The following GABRP variants were observed in gnomAD, a reference collection of about 807,000 sequenced individuals.
GABRP encodes gamma-aminobutyric acid receptor subunit pi.
Under a neutral mutation model 47.8 loss-of-function variants are expected in GABRP, and 52 were observed. That is an observed-to-expected ratio of 1.09 (90% CI 0.87 to 1.37). The LOEUF is 1.37. Among genes scored for constraint, GABRP ranks in the 40% most tolerant of loss-of-function variants. The probability of loss-of-function intolerance (pLI) is 0.00; values close to 1 mark genes in which losing one functional copy is unlikely to be tolerated. For synonymous variants in GABRP, 221 were observed against 205.8 expected (o/e 1.07, Z -0.63); for missense variants, 525 against 542.8 (o/e 0.97, Z 0.33).
In GABRP at chr5:170,794,274, C is replaced by G. The variant is rs140333913; in HGVS notation, c.216C>G (p.Ile72Met). The G allele has an allele frequency of 1.4e-5, 22 of 1,609,066 alleles. No homozygotes were observed. The South Asian group carries it at 2.1e-4, about 15-fold the overall frequency. The change falls in exon 4 of 10, where the codon ATC becomes ATG. Residue 72 changes from isoleucine to methionine, a missense_variant. Coordinates refer to ENST00000265294, the MANE Select transcript of GABRP (RefSeq NM_014211.3). The stretch of plus-strand genomic sequence containing the variant: ...CGCTGACTCTGGACATTGCAAGTAT[C>G]TCTAGCATTTCAGAGAGTAACATGG... ...QIALTLDIAS[I>M]SSISESNMDY...
At chr5:170,783,313 G>A (rs902346305), upstream of GABRP, among the ~76,000 whole-genome samples, 5 of 152,148 alleles carry the variant, frequency 3.3e-5, no homozygotes, top group African/African-American at 9.7e-5. Flanking sequence ...ACAAGAAATC[G>A]GAGTTTTACA....
At position 170,812,434 on chromosome 5, in the gene GABRP, AG is replaced by A. The variant is rs1354578331; in HGVS notation, c.*177del. On this transcript the variant is annotated 3_prime_UTR_variant, in exon 10 of 10. Transcript: ENST00000265294. The stretch of plus-strand genomic sequence containing the variant: ...CAACCATTGTTCTAAGCTGTGTAGA[AG>A]TCCTAGCATTATAGGATCTTGTAAT... 2 of 599,114 alleles carry A rather than the reference AG, an allele frequency of 3.3e-6. No homozygotes were observed. Among genetic ancestry groups the A allele is most frequent in the Non-Finnish European group, 5.9e-6 (2 of 340,120 alleles). The allele number at this position is 599,114 out of a possible 1,614,324, so 37.1% of individuals were successfully genotyped here. A position where few individuals can be genotyped will look rare whatever the true frequency, so the allele number is the denominator to read the frequency against.
At chr5:170,783,366 A>T (rs1433238987), upstream of GABRP, among the ~76,000 whole-genome samples, 1 of 152,168 alleles carries the variant, frequency 6.6e-6, no homozygotes, top group Non-Finnish European at 1.5e-5. Flanking sequence ...CTGAGGCCTA[A>T]GGAGGTGAAG....
At chr5:170,793,864 G>C (rs865921880) in intron 3 of GABRP, among the ~76,000 whole-genome samples, 1 of 152,114 alleles carries the variant, frequency 6.6e-6, no homozygotes, top group South Asian at 2.1e-4. Context: ...CCTGGGAGGC[G>C]GAGTTTGTGG....
chr5:170,797,147 G>T (rs1765452149), intron 5 of GABRP, among the ~76,000 whole-genome samples: 2 of 152,260 alleles, frequency 1.3e-5, no homozygotes, highest in East Asian at 1.9e-4. Context: ...ACCCAGGTCT[G>T]TCAGGAAGAT....
intron 5 of GABRP, among the ~76,000 whole-genome samples, chr5:170,796,641 G>A (rs1038722801): frequency 3.3e-5 from 5 of 152,132 alleles, no homozygotes; most frequent in African/African-American, 1.2e-4. Context: ...ACTGTTCAAA[G>A]GGGTAATGCA....
chr5:170,806,002 C>T, intron 7 of GABRP, 149 bp downstream of exon 7: 1 of 800,220 alleles, frequency 1.2e-6, no homozygotes, highest in East Asian at 2.7e-5. Context: ...ATTCCACCTC[C>T]TCCACACCCA....
chr5:170,791,615 A>G (rs1377610685), intron 3 of GABRP, among the ~76,000 whole-genome samples: 1 of 152,220 alleles, frequency 6.6e-6, no homozygotes, highest in Non-Finnish European at 1.5e-5. Context: ...AGAAAAGCCA[A>G]TTGAGGCAAA....
At chr5:170,791,999 A>T (rs562896546) in intron 3 of GABRP, among the ~76,000 whole-genome samples, 1 of 152,192 alleles carries the variant, frequency 6.6e-6, no homozygotes, top group Non-Finnish European at 1.5e-5. Flanking sequence ...CCCTTTTATC[A>T]TGGCACCAGT....
At position 170,808,694 on chromosome 5, in the gene GABRP, G is replaced by A; in HGVS notation, c.774G>A (p.Val258=). The change falls in exon 8 of 10, where the codon GTG becomes GTA. Residue 258 remains valine, a synonymous_variant. Coordinates refer to ENST00000265294, the MANE Select transcript of GABRP (RefSeq NM_014211.3). ...ACGTTCCTTCCACTTTCCTGGTGGT[G>A]TTGTCCTGGGTTTCATTTTGGATCT... ...ETYVPSTFLV[V]LSWVSFWISL... 1.9e-6 allele frequency: 3 copies of A among 1,613,796 alleles called. No individual in the cohort carries two copies. The highest frequency in any genetic ancestry group is 2.5e-6 in the Non-Finnish European group (3 of 1,179,662).
In GABRP at chr5:170,812,721, G is replaced by C. The variant is rs1581611979; in HGVS notation, c.*463G>C. The C allele has an allele frequency of 6.4e-6, 1 of 155,508 alleles. No individual in the cohort carries two copies. The highest frequency in any genetic ancestry group is 1.4e-5 in the Non-Finnish European group (1 of 70,046). 9.6% of individuals were successfully genotyped at this position (155,508 alleles called of 1,614,324 possible). The stretch of plus-strand genomic sequence containing the variant: ...TAGGGAGTAACATTTTCTAGTTTTT[G>C]TTTCTGGTTAAAATGAAATATGGGC... On this transcript the variant is annotated 3_prime_UTR_variant, in exon 10 of 10. Coordinates refer to ENST00000265294, the MANE Select transcript of GABRP (RefSeq NM_014211.3).
chr5:170,792,898 G>A (rs1765314145), intron 3 of GABRP, among the ~76,000 whole-genome samples: 1 of 152,128 alleles, frequency 6.6e-6, no homozygotes, highest in Non-Finnish European at 1.5e-5. Flanking sequence ...TACCCCCGGG[G>A]GTTATTTATT....
At chr5:170,791,613 CA>C (rs1332770427) in intron 3 of GABRP, among the ~76,000 whole-genome samples, 1 of 152,186 alleles carries the variant, frequency 6.6e-6, no homozygotes, top group East Asian at 1.9e-4. Flanking sequence ...GTAGAAAAGC[CA>C]ATTGAGGCAA....
chr5:170,783,034 T>C (rs1190441196), upstream of GABRP: 1 of 152,302 alleles, frequency 6.6e-6, no homozygotes, highest in Non-Finnish European at 1.5e-5. Flanking sequence ...CCTCCCTCTC[T>C]GGGATGCTCC....
At chr5:170,808,156 A>G (rs1040933163) in intron 7 of GABRP, among the ~76,000 whole-genome samples, 1 of 152,238 alleles carries the variant, frequency 6.6e-6, no homozygotes, top group African/African-American at 2.4e-5. Flanking sequence ...CTCTGAAATC[A>G]TCAAAAATTC....
Position 170,812,038 on chromosome 5 carries a change from T to C in GABRP, c.1103T>C (p.Phe368Ser). The change falls in exon 10 of 10, where the codon TTT becomes TCT. Residue 368 changes from phenylalanine to serine, a missense_variant. Transcript: ENST00000265294. ...TCCAGCTTTAAACGGAAGATCAGCT[T>C]TGCCAGCATTGAAATTTCCAGCGAC... Reference protein sequence around the residue: ...SISSFKRKISFASIEISSDNV... With the variant: ...SISSFKRKISSASIEISSDNV... The C allele has an allele frequency of 6.2e-7, 1 of 1,614,198 alleles. No homozygotes were observed. Among genetic ancestry groups the C allele is most frequent in the Non-Finnish European group, 8.5e-7 (1 of 1,180,014 alleles).
chr5:170,791,184 A>G (rs1239662481), intron 3 of GABRP, among the ~76,000 whole-genome samples: 1 of 152,220 alleles, frequency 6.6e-6, no homozygotes, highest in Admixed American at 6.5e-5. Flanking sequence ...CATTCTGAGA[A>G]CAGGGAGCCT....
intron 4 of GABRP, among the ~76,000 whole-genome samples, chr5:170,794,652 C>T (rs1668166502): frequency 6.6e-6 from 1 of 152,084 alleles, no homozygotes; most frequent in Non-Finnish European, 1.5e-5. Context: ...GCAAGCCTGG[C>T]CATTACATGG....
intron 3 of GABRP, among the ~76,000 whole-genome samples, chr5:170,792,046 C>T (rs893059681): frequency 6.6e-6 from 1 of 152,182 alleles, no homozygotes; most frequent in African/African-American, 2.4e-5. Context: ...AAGGGTCCTA[C>T]CTCTTAACAC....
Sources: allele counts gnomAD v4.1 joint callset (sites outside exome capture counted in the v4.1 genomes callset), GRCh38; gene constraint gnomAD v4.1.1; transcripts MANE v1.5; gene names NCBI Gene and HGNC (gene_info 2026-07-23, HGNC 2026-07-21).